The following ZC3H12B variants were observed in gnomAD, a reference collection of about 807,000 sequenced individuals.
The protein encoded by ZC3H12B is probable ribonuclease ZC3H12B.
ZC3H12B carries 7 observed loss-of-function variants against 43.9 expected under a neutral mutation model. That is an observed-to-expected ratio of 0.16 (90% CI 0.09 to 0.30). The LOEUF (loss-of-function observed/expected upper bound fraction) is 0.30, where lower values mean the gene tolerates loss of function less well. ZC3H12B is among the 10% of genes least tolerant of loss of function. The probability of loss-of-function intolerance (pLI) is 1.00; values close to 1 mark genes in which losing one functional copy is unlikely to be tolerated. For synonymous variants in ZC3H12B, 222 were observed against 241.7 expected, an observed-to-expected ratio of 0.92 and a Z score of 0.76; for missense variants, 475 against 670.2, an observed-to-expected ratio of 0.71 and a Z score of 3.22.
At chrX:65,150,159 G>A in the ZC3H12B span, among the ~76,000 whole-genome samples, 1 of 110,172 alleles carries the variant, frequency 9.1e-6, no homozygotes, top group Admixed American at 9.7e-5. Flanking sequence ...CTATTGCTAC[G>A]GTTTTACTAT....
At chrX:65,462,223 C>A (rs1376754314) in intron 3 of ZC3H12B, among the ~76,000 whole-genome samples, 1 of 110,929 alleles carries the variant, frequency 9.0e-6, no homozygotes, top group Non-Finnish European at 1.9e-5. Context: ...TTTTTAAAAA[C>A]TTCAAGGCCG....
chrX:65,324,929 C>A, the ZC3H12B span, among the ~76,000 whole-genome samples: 1 of 110,715 alleles, frequency 9.0e-6, no homozygotes, highest in Non-Finnish European at 1.9e-5. Context: ...TGCAATCTAT[C>A]TCTTCAGATT....
chrX:65,306,928 T>A, the ZC3H12B span, among the ~76,000 whole-genome samples: 2 of 112,393 alleles, frequency 1.8e-5, no homozygotes, highest in African/African-American at 3.2e-5. Context: ...AATTAGAATA[T>A]TTTGTGTGAT....
At chrX:65,404,700 G>A (rs999446254) in intron 3 of ZC3H12B, among the ~76,000 whole-genome samples, 5 of 111,435 alleles carry the variant, frequency 4.5e-5, no homozygotes, top group Non-Finnish European at 9.4e-5. Flanking sequence ...CCCTAGATAA[G>A]TAAAGGAAAC....
intron 2 of ZC3H12B, among the ~76,000 whole-genome samples, chrX:65,391,007 T>C (rs2066608502): frequency 1.8e-5 from 2 of 112,009 alleles, no homozygotes; most frequent in South Asian, 7.4e-4. Flanking sequence ...TATTATACAC[T>C]GGGACAGACT....
the ZC3H12B span, among the ~76,000 whole-genome samples, chrX:65,081,424 A>G: frequency 9.0e-6 from 1 of 111,557 alleles, no homozygotes; most frequent in Admixed American, 9.5e-5. Context: ...TAGTCTGAAA[A>G]TGAAGGGATG....
the ZC3H12B span, among the ~76,000 whole-genome samples, chrX:65,216,460 G>A: frequency 9.0e-6 from 1 of 111,497 alleles, no homozygotes; most frequent in African/African-American, 3.3e-5. Flanking sequence ...TTCCACCCCA[G>A]AGGAAGGAAT....
intron 3 of ZC3H12B, among the ~76,000 whole-genome samples, chrX:65,451,777 ATCT>A (rs2067517166): frequency 1.8e-5 from 2 of 112,014 alleles, no homozygotes; most frequent in Non-Finnish European, 3.8e-5. Context: ...GAAGAGATAC[ATCT>A]TCTCTGGGTT....
chrX:65,346,952 C>A, the ZC3H12B span, among the ~76,000 whole-genome samples: 1 of 112,315 alleles, frequency 8.9e-6, no homozygotes, highest in Non-Finnish European at 1.9e-5. Flanking sequence ...TTGAGCTCTG[C>A]TAAGGGTCAG....
chrX:65,369,638 C>T (rs2066218989), intron 2 of ZC3H12B, among the ~76,000 whole-genome samples: 1 of 111,437 alleles, frequency 9.0e-6, no homozygotes, highest in Admixed American at 9.6e-5. Flanking sequence ...ACAATATATG[C>T]AACTTTAAAA....
the ZC3H12B span, among the ~76,000 whole-genome samples, chrX:65,253,272 G>A: frequency 4.4e-5 from 5 of 112,374 alleles, no homozygotes; most frequent in African/African-American, 1.3e-4. Flanking sequence ...AGTCTCTCAT[G>A]CACTGGGATT....
At chrX:65,267,457 A>T in the ZC3H12B span, among the ~76,000 whole-genome samples, 1 of 110,509 alleles carries the variant, frequency 9.0e-6, no homozygotes, top group African/African-American at 3.3e-5. Context: ...TTTCAACAAA[A>T]AATGAAGAAG....
chrX:65,457,441 T>A (rs1239447401), intron 3 of ZC3H12B, among the ~76,000 whole-genome samples: 1 of 71,490 alleles, frequency 1.4e-5, no homozygotes, highest in Non-Finnish European at 2.5e-5. Context: ...GGGAGGGTGG[T>A]GGGGGGGTCA....
intron 2 of ZC3H12B, among the ~76,000 whole-genome samples, chrX:65,391,035 G>A (rs1028585687): frequency 9.0e-6 from 1 of 111,662 alleles, no homozygotes; most frequent in Non-Finnish European, 1.9e-5. Context: ...TTAGTTAATG[G>A]CAAGAACACA....
intron 3 of ZC3H12B, among the ~76,000 whole-genome samples, chrX:65,422,394 G>C (rs946814139): frequency 8.9e-5 from 10 of 111,931 alleles, no homozygotes; most frequent in African/African-American, 3.2e-4. Context: ...CCATTTGTTG[G>C]TCTATATTTG....
intron 3 of ZC3H12B, among the ~76,000 whole-genome samples, chrX:65,448,233 T>C (rs753300836): frequency 1.5e-4 from 16 of 108,521 alleles, no homozygotes; most frequent in African/African-American, 5.0e-4. Flanking sequence ...AGACTCTGTC[T>C]CAAAAAAAAA....
At chrX:65,342,874 AAG>A in the ZC3H12B span, among the ~76,000 whole-genome samples, 5 of 110,134 alleles carry the variant, frequency 4.5e-5, no homozygotes, top group Non-Finnish European at 9.5e-5. Context: ...CCAGGAATCC[AAG>A]AGTTTGTTTT....
At chrX:65,161,270 T>C in the ZC3H12B span, among the ~76,000 whole-genome samples, 15 of 111,740 alleles carry the variant, frequency 1.3e-4, no homozygotes, top group African/African-American at 4.2e-4. Flanking sequence ...TGTAGATATC[T>C]ATTAGGTCCG....
At chrX:65,158,797 T>C in the ZC3H12B span, among the ~76,000 whole-genome samples, 1 of 112,124 alleles carries the variant, frequency 8.9e-6, no homozygotes, top group South Asian at 3.7e-4. Flanking sequence ...TTTGTCAATT[T>C]TGGCTTTTGT....
Sources: gnomAD v4.1 joint callset for allele counts (sites outside exome capture counted in the v4.1 genomes callset) on GRCh38, gnomAD v4.1.1 for gene constraint, MANE v1.5 for transcripts, NCBI Gene and HGNC (gene_info 2026-07-23, HGNC 2026-07-21) for gene names.